Variants in NRXN3 observed in about 807,000 individuals in gnomAD.
The protein encoded by NRXN3 is neurexin 3.
A neutral mutation model predicts 137.6 loss-of-function variants in NRXN3; 32 were observed. That is an observed-to-expected ratio of 0.23 (90% CI 0.18 to 0.31). The LOEUF is 0.31. Among genes scored for constraint, NRXN3 ranks in the 10% least tolerant of loss-of-function variants. The pLI is 1.00. For missense variants in NRXN3, 1,574 were observed against 2,062.5 expected (o/e 0.76, Z 4.59); for synonymous variants, 798 against 784.5 (o/e 1.02, Z -0.29).
intron 15 of NRXN3, among the ~76,000 whole-genome samples, chr14:79,087,163 G>C (rs556573629): frequency 6.6e-6 from 1 of 152,086 alleles, no homozygotes; most frequent in African/African-American, 2.4e-5. Context: ...CCTTTGTTTT[G>C]GATTAAATGA....
chr14:78,719,891 G>C (rs1434535326), intron 8 of NRXN3, among the ~76,000 whole-genome samples: 1 of 152,062 alleles, frequency 6.6e-6, no homozygotes, highest in Non-Finnish European at 1.5e-5. Flanking sequence ...GATACCGTTA[G>C]TGTTACCTGC....
At chr14:79,667,486 C>T (rs889349877) in intron 17 of NRXN3, among the ~76,000 whole-genome samples, 1 of 152,022 alleles carries the variant, frequency 6.6e-6, no homozygotes, top group Non-Finnish European at 1.5e-5. Flanking sequence ...TGGGGCTCTA[C>T]TGAAACATCC....
chr14:78,747,479 GCTT>G (rs2098615508), intron 8 of NRXN3, among the ~76,000 whole-genome samples: 1 of 152,156 alleles, frequency 6.6e-6, no homozygotes, highest in Non-Finnish European at 1.5e-5. Context: ...AGATGATTCT[GCTT>G]CTTATTTCAC....
intron 4 of NRXN3, among the ~76,000 whole-genome samples, chr14:78,404,182 T>C (rs959565246): frequency 6.7e-6 from 1 of 149,490 alleles, no homozygotes; most frequent in East Asian, 2.0e-4. Flanking sequence ...GCATGAGTTA[T>C]AGCTGTGATG....
At chr14:79,031,035 C>T (rs1449014623) in intron 15 of NRXN3, among the ~76,000 whole-genome samples, 1 of 152,058 alleles carries the variant, frequency 6.6e-6, no homozygotes, top group African/African-American at 2.4e-5. Flanking sequence ...CTTCCCTTCC[C>T]CTTTCTGCCT....
At chr14:78,846,854 C>T (rs2099028561) in intron 10 of NRXN3, among the ~76,000 whole-genome samples, 2 of 152,054 alleles carry the variant, frequency 1.3e-5, no homozygotes, top group South Asian at 4.1e-4. Flanking sequence ...TTGCTTAATC[C>T]CTACTTTTTC....
chr14:78,903,598 G>A (rs901536440), intron 10 of NRXN3, among the ~76,000 whole-genome samples: 7 of 151,932 alleles, frequency 4.6e-5, no homozygotes, highest in Non-Finnish European at 8.8e-5. Context: ...TTTGTAACTC[G>A]CTGAAAAAGT....
chr14:78,290,259 T>A (rs1048699311), intron 3 of NRXN3, among the ~76,000 whole-genome samples: 12 of 152,336 alleles, frequency 7.9e-5, no homozygotes, highest in Admixed American at 2.0e-4. Flanking sequence ...TTTTGCCTGT[T>A]CTCATCCTTT....
intron 19 of NRXN3, among the ~76,000 whole-genome samples, chr14:79,794,761 T>A (rs925171289): frequency 2.0e-5 from 3 of 152,180 alleles, no homozygotes; most frequent in Non-Finnish European, 4.4e-5. Flanking sequence ...GGGGGATAAA[T>A]TCAAATAAAG....
intron 4 of NRXN3, among the ~76,000 whole-genome samples, chr14:78,548,505 A>G (rs1191171163): frequency 6.6e-6 from 1 of 152,206 alleles, no homozygotes; most frequent in African/African-American, 2.4e-5. Flanking sequence ...TTTAAAAAAT[A>G]AACTCCACAT....
At chr14:79,614,931 A>G (rs893075070) in intron 16 of NRXN3, among the ~76,000 whole-genome samples, 1 of 152,220 alleles carries the variant, frequency 6.6e-6, no homozygotes, top group African/African-American at 2.4e-5. Flanking sequence ...AAATAACAAC[A>G]ACAGCAAGTG....
chr14:79,208,424 G>A (rs944472342), intron 15 of NRXN3, among the ~76,000 whole-genome samples: 1 of 151,948 alleles, frequency 6.6e-6, no homozygotes, highest in Non-Finnish European at 1.5e-5. Flanking sequence ...GGCCAAAAGG[G>A]GACAAATAAC....
intron 15 of NRXN3, among the ~76,000 whole-genome samples, chr14:79,101,737 T>A (rs1194146197): frequency 6.6e-6 from 1 of 152,196 alleles, no homozygotes; most frequent in Non-Finnish European, 1.5e-5. Flanking sequence ...TCCTAATCCC[T>A]TGTTCCTGTG....
intron 6 of NRXN3, among the ~76,000 whole-genome samples, chr14:78,657,389 T>C (rs1402988352): frequency 6.6e-6 from 1 of 152,144 alleles, no homozygotes; most frequent in African/African-American, 2.4e-5. Flanking sequence ...CACCATCCTC[T>C]TTTCTCCTCA....
chr14:78,555,710 G>T (rs1344924821), intron 4 of NRXN3, among the ~76,000 whole-genome samples: 1 of 152,158 alleles, frequency 6.6e-6, no homozygotes, highest in East Asian at 1.9e-4. Flanking sequence ...TGTAGGCATG[G>T]AGCTAAAATA....
intron 1 of NRXN3, among the ~76,000 whole-genome samples, chr14:78,232,676 T>G (rs1284399471): frequency 2.0e-5 from 3 of 152,240 alleles, no homozygotes; most frequent in African/African-American, 7.2e-5. Context: ...CCTGCTTCTC[T>G]TCCCTATCCC....
At chr14:79,694,784 C>T (rs2098729100) in intron 18 of NRXN3, among the ~76,000 whole-genome samples, 1 of 151,940 alleles carries the variant, frequency 6.6e-6, no homozygotes, top group African/African-American at 2.4e-5. Context: ...GAAGAGTGCT[C>T]TACTGTTCCT....
intron 10 of NRXN3, among the ~76,000 whole-genome samples, chr14:78,947,126 T>G (rs2099367013): frequency 6.6e-6 from 1 of 152,280 alleles, no homozygotes; most frequent in East Asian, 1.9e-4. Flanking sequence ...TGCAGTTGCA[T>G]ACACCAGATG....
intron 14 of NRXN3, among the ~76,000 whole-genome samples, chr14:78,972,601 G>GC (rs1465969228): frequency 2.0e-5 from 3 of 152,108 alleles, no homozygotes; most frequent in Non-Finnish European, 4.4e-5. Flanking sequence ...TGCCCTTGTT[G>GC]CCCGTTGCCT....
Sources: allele counts gnomAD v4.1 joint callset (sites outside exome capture counted in the v4.1 genomes callset), GRCh38; gene constraint gnomAD v4.1.1; transcripts MANE v1.5; gene names NCBI Gene and HGNC (gene_info 2026-07-23, HGNC 2026-07-21).